The following COL8A1 variants were observed in gnomAD, a reference collection of about 807,000 sequenced individuals.
The protein encoded by COL8A1 is collagen alpha-1(VIII) chain.
A neutral mutation model predicts 42.7 loss-of-function variants in COL8A1; 21 were observed. The ratio of observed to expected loss-of-function variants is 0.49; its 90% CI spans 0.35 to 0.71. The LOEUF is 0.71. Ranked by LOEUF, COL8A1 falls within the 30% of genes least tolerant of loss-of-function variation. The pLI, the probability that COL8A1 is intolerant of heterozygous loss-of-function variation, is 0.01. For synonymous variants in COL8A1, 367 were observed against 369.1 expected, an observed-to-expected ratio of 0.99 and a Z score of 0.06; for missense variants, 788 against 962.4, an observed-to-expected ratio of 0.82 and a Z score of 2.40.
chr3:99,755,678 A>G (rs1439695900), intron 2 of COL8A1, among the ~76,000 whole-genome samples: 2 of 152,218 alleles, frequency 1.3e-5, no homozygotes, highest in East Asian at 3.9e-4. Context: ...TGAGATCTGA[A>G]GAAGGCAAGG....
intron 1 of COL8A1, among the ~76,000 whole-genome samples, chr3:99,728,312 C>T (rs867626170): frequency 6.6e-6 from 1 of 152,072 alleles, no homozygotes; most frequent in Non-Finnish European, 1.5e-5. Flanking sequence ...TCTACCTGCT[C>T]GTTCTACCAA....
At chr3:99,758,302 G>T (rs1028915393) in intron 2 of COL8A1, among the ~76,000 whole-genome samples, 7 of 151,974 alleles carry the variant, frequency 4.6e-5, no homozygotes, top group Non-Finnish European at 7.4e-5. Flanking sequence ...ACTTGAAAGG[G>T]AAACTCTCCA....
Position 99,738,933 on chromosome 3 carries a change from G to A in COL8A1, c.-128-5964G>A, listed in dbSNP as rs147264002. On this transcript the variant is annotated intron_variant, in intron 1 of 3. Coordinates refer to ENST00000652472, the MANE Select transcript of COL8A1 (RefSeq NM_020351.4). ...GTGGGATATAATCTCTTGGTGCGCCGTTTTTTAAGCCCGTCAGAAAAGCGC... is the reference window on the plus strand; with the variant it reads ...GTGGGATATAATCTCTTGGTGCGCCATTTTTTAAGCCCGTCAGAAAAGCGC... Among the ~76,000 whole-genome samples, 1,069 of 152,316 alleles carry A rather than the reference G, an allele frequency of 7.0e-3. 14 individuals carry two copies. Among genetic ancestry groups the A allele is most frequent in the African/African-American group, 0.024 (995 of 41,572 alleles).
At chr3:99,778,653 A>C (rs563618459) in intron 2 of COL8A1, among the ~76,000 whole-genome samples, 75 of 152,302 alleles carry the variant, frequency 4.9e-4, no homozygotes, top group Non-Finnish European at 7.6e-4. Context: ...TTTCTAAGGA[A>C]GAATGGCTAT....
intron 2 of COL8A1, among the ~76,000 whole-genome samples, chr3:99,776,686 A>G (rs143785986): frequency 0.011 from 1,716 of 152,330 alleles, 7 homozygotes; most frequent in Middle Eastern, 0.02. Context: ...TTTATTAAGA[A>G]AGTAAAGGAA....
At chr3:99,665,237 T>C (rs1205411780) in intron 1 of COL8A1, among the ~76,000 whole-genome samples, 1 of 152,244 alleles carries the variant, frequency 6.6e-6, no homozygotes, top group African/African-American at 2.4e-5. Context: ...GCCTCTCACT[T>C]GGCTTTGAGA....
chr3:99,733,708 C>T (rs1940602275), intron 1 of COL8A1, among the ~76,000 whole-genome samples: 2 of 151,070 alleles, frequency 1.3e-5, no homozygotes, highest in Admixed American at 1.3e-4. Flanking sequence ...GTTCTAGATC[C>T]CTGAGGAATC....
At chr3:99,787,596 T>C (rs1381816057) in intron 2 of COL8A1, among the ~76,000 whole-genome samples, 1 of 152,192 alleles carries the variant, frequency 6.6e-6, no homozygotes, top group Non-Finnish European at 1.5e-5. Context: ...TATTATCATT[T>C]GTACCCCTGA....
At chr3:99,643,355 A>G (rs531179212) in intron 1 of COL8A1, among the ~76,000 whole-genome samples, 29 of 152,340 alleles carry the variant, frequency 1.9e-4, no homozygotes, top group African/African-American at 6.3e-4. Flanking sequence ...AGTGAAGTCA[A>G]TGGTCATCAC....
intron 1 of COL8A1, among the ~76,000 whole-genome samples, chr3:99,662,979 A>G (rs1442397867): frequency 6.6e-6 from 1 of 152,156 alleles, no homozygotes. Context: ...CAAAGATATC[A>G]TGTTTTCACT....
chr3:99,724,620 C>T (rs1940250615), intron 1 of COL8A1, among the ~76,000 whole-genome samples: 1 of 152,092 alleles, frequency 6.6e-6, no homozygotes, highest in Admixed American at 6.6e-5. Flanking sequence ...CCCCTTCCAA[C>T]CTTCCTTTAC....
chr3:99,674,275 C>T (rs1459095991), intron 1 of COL8A1, among the ~76,000 whole-genome samples: 1 of 151,876 alleles, frequency 6.6e-6, no homozygotes, highest in Non-Finnish European at 1.5e-5. Context: ...GCCTTCATAC[C>T]TCCCTGCTGG....
rs145283972 is a variant in COL8A1, at chr3:99,656,213, T to C, written c.-129+17549T>C. 6.9e-4 allele frequency among the ~76,000 whole-genome samples: 105 copies of C among 152,328 alleles called. 2 individuals carry two copies. The East Asian group carries it at 0.018, about 25-fold the overall frequency. Reference sequence around the variant, plus strand: ...AAACCGTCTCATTTCCTAAAGATTGTGGAAAGTTGAGTTTATTCTAATATG... The same window carrying C: ...AAACCGTCTCATTTCCTAAAGATTGCGGAAAGTTGAGTTTATTCTAATATG... On this transcript the variant is annotated intron_variant, in intron 1 of 3. Transcript: ENST00000652472.
chr3:99,720,039 A>G (rs1940106579), intron 1 of COL8A1, among the ~76,000 whole-genome samples: 1 of 152,104 alleles, frequency 6.6e-6, no homozygotes, highest in South Asian at 2.1e-4. Flanking sequence ...TGGTTTTGAG[A>G]CACAGACCCA....
intron 1 of COL8A1, among the ~76,000 whole-genome samples, chr3:99,666,491 C>T (rs1157309350): frequency 6.6e-6 from 1 of 152,194 alleles, no homozygotes; most frequent in Non-Finnish European, 1.5e-5. Flanking sequence ...TAAAGTGGGA[C>T]AGTTGATATG....
chr3:99,743,150 A>G (rs1940940971), intron 1 of COL8A1, among the ~76,000 whole-genome samples: 2 of 152,196 alleles, frequency 1.3e-5, no homozygotes, highest in African/African-American at 2.4e-5. Flanking sequence ...CCTTTGTTGT[A>G]TATCTCCTTT....
chr3:99,672,371 T>G lies in COL8A1; in HGVS notation c.-129+33707T>G, dbSNP rs1023656305. Among the ~76,000 whole-genome samples, 3 of 152,138 alleles carry G rather than the reference T, an allele frequency of 2.0e-5. No homozygotes were observed. In the Middle Eastern group the frequency reaches 0.01, roughly 517 times the overall value. On this transcript the variant is annotated intron_variant, in intron 1 of 3. Coordinates refer to ENST00000652472, the MANE Select transcript of COL8A1 (RefSeq NM_020351.4). ...GAACTACTCATAGCTATCTTCCATG[T>G]TTTTCTAACTTCTCCTGTATTTTCC...
intron 1 of COL8A1, among the ~76,000 whole-genome samples, chr3:99,687,179 T>C (rs142743987): frequency 6.6e-6 from 1 of 152,320 alleles, no homozygotes; most frequent in East Asian, 1.9e-4. Context: ...AAAGGCAATG[T>C]GGAGCCACCT....
intron 1 of COL8A1, among the ~76,000 whole-genome samples, chr3:99,721,384 AG>A: frequency 1.4e-5 from 2 of 146,750 alleles, no homozygotes; most frequent in African/African-American, 5.0e-5. Flanking sequence ...AAAAAAAAAA[AG>A]AAAGGAAAGG....
Sources: allele counts gnomAD v4.1 joint callset (sites outside exome capture counted in the v4.1 genomes callset), GRCh38; gene constraint gnomAD v4.1.1; transcripts MANE v1.5; gene names NCBI Gene and HGNC (gene_info 2026-07-23, HGNC 2026-07-21).